ADGRL2: variants seen among roughly 807,000 people sequenced by gnomAD.
The protein encoded by ADGRL2 is adhesion G protein-coupled receptor L2.
In ADGRL2, 44 loss-of-function variants were observed where a neutral mutation model predicts 157.4. The observed-to-expected ratio is 0.28, with a 90% CI of 0.22 to 0.36. The LOEUF is 0.36. Among genes scored for constraint, ADGRL2 ranks in the 10% least tolerant of loss-of-function variants. The pLI is 1.00. For missense variants in ADGRL2, 1,510 were observed against 1,768.9 expected, an observed-to-expected ratio of 0.85 and a Z score of 2.63; for synonymous variants, 585 against 624.7, an observed-to-expected ratio of 0.94 and a Z score of 0.95.
chr1:81,397,803 G>A (rs2076683556), intron 1 of ADGRL2, among the ~76,000 whole-genome samples: 1 of 152,148 alleles, frequency 6.6e-6, no homozygotes, highest in South Asian at 2.1e-4. Context: ...TGGATAAAAA[G>A]TTCTGTAAAT....
At chr1:81,844,767 G>A (rs905336604) in intron 2 of ADGRL2, among the ~76,000 whole-genome samples, 1 of 152,130 alleles carries the variant, frequency 6.6e-6, no homozygotes, top group African/African-American at 2.4e-5. Context: ...AAAATGTAAA[G>A]CTGAGAAGGG....
In ADGRL2 at chr1:81,804,930, C is replaced by T. The variant is rs546963554; in HGVS notation, c.-101+3862C>T. ...GCTAAATAAATAGGGAAAAAGTCAG[C>T]GGAGGATGCTGAAAATTAAAACCTC... On this transcript the variant is annotated intron_variant, in intron 1 of 23. Coordinates refer to ENST00000686636, the MANE Select transcript of ADGRL2 (RefSeq NM_001366006.2). 7.9e-5 allele frequency among the ~76,000 whole-genome samples: 12 copies of T among 152,130 alleles called. No individual in the cohort carries two copies. The South Asian group carries it at 2.3e-3, about 29-fold the overall frequency.
intron 1 of ADGRL2, among the ~76,000 whole-genome samples, chr1:81,380,661 A>C (rs2076328811): frequency 1.3e-5 from 2 of 152,188 alleles, no homozygotes; most frequent in Admixed American, 1.3e-4. Context: ...TGACTTTAAC[A>C]TACATGGAAT....
At chr1:81,753,260 T>A (rs1298652337) in intron 1 of ADGRL2, among the ~76,000 whole-genome samples, 1 of 152,208 alleles carries the variant, frequency 6.6e-6, no homozygotes, top group Non-Finnish European at 1.5e-5. Flanking sequence ...AAGGAGCAAG[T>A]CACATCTTAA....
chr1:81,472,202 A>T (rs2078185272), intron 2 of ADGRL2, among the ~76,000 whole-genome samples: 1 of 152,362 alleles, frequency 6.6e-6, no homozygotes, highest in South Asian at 2.1e-4. Context: ...ATGTTACTTT[A>T]CTAGATGATT....
At chr1:81,705,676 G>T (rs2149051113) in intron 1 of ADGRL2, among the ~76,000 whole-genome samples, 1 of 152,122 alleles carries the variant, frequency 6.6e-6, no homozygotes, top group Non-Finnish European at 1.5e-5. Flanking sequence ...CAGCACTTTG[G>T]GAGGCTGCAA....
chr1:81,485,880 A>G (rs1036786135), intron 2 of ADGRL2, among the ~76,000 whole-genome samples: 3 of 152,236 alleles, frequency 2.0e-5, no homozygotes, highest in Admixed American at 6.5e-5. Context: ...CCATCAGCAC[A>G]GAAAACTAAA....
At chr1:81,603,828 T>G (rs1436063608) in intron 3 of ADGRL2, among the ~76,000 whole-genome samples, 1 of 152,250 alleles carries the variant, frequency 6.6e-6, no homozygotes, top group Non-Finnish European at 1.5e-5. Flanking sequence ...ATTGTATGGC[T>G]TATTTATTAG....
chr1:81,682,770 C>T (rs191976556), intron 3 of ADGRL2, among the ~76,000 whole-genome samples: 49 of 152,302 alleles, frequency 3.2e-4, no homozygotes, highest in Admixed American at 2.3e-3. Flanking sequence ...AAGGGCTTTG[C>T]CTTTATGGAA....
intron 1 of ADGRL2, among the ~76,000 whole-genome samples, chr1:81,389,882 A>G (rs2076502663): frequency 6.6e-6 from 1 of 152,180 alleles, no homozygotes; most frequent in Non-Finnish European, 1.5e-5. Context: ...AAACAAAAAA[A>G]GAAAGAGAGA....
chr1:81,887,389 A>T (rs2094150267), intron 2 of ADGRL2, among the ~76,000 whole-genome samples: 1 of 152,204 alleles, frequency 6.6e-6, no homozygotes, highest in Non-Finnish European at 1.5e-5. Flanking sequence ...GTGATTTCCA[A>T]CCCATTATCA....
intron 17 of ADGRL2, 70 bp downstream of exon 17, chr1:81,971,988 TTG>T: frequency 1.7e-5 from 8 of 482,774 alleles, no homozygotes; most frequent in Middle Eastern, 3.4e-4. Context: ...CAAGGATAAT[TTG>T]TTTTATTGTT....
upstream of ADGRL2, among the ~76,000 whole-genome samples, chr1:81,800,933 C>G (rs901311131): frequency 4.7e-5 from 7 of 148,976 alleles, no homozygotes; most frequent in Admixed American, 4.7e-4. Flanking sequence ...GCGCGTTCCA[C>G]GGCCGTGCGC....
chr1:81,676,697 A>AT (rs1239878282), intron 3 of ADGRL2, among the ~76,000 whole-genome samples: 4 of 150,976 alleles, frequency 2.6e-5, no homozygotes, highest in South Asian at 2.1e-4. Flanking sequence ...ATTTTATTTT[A>AT]TTTTTTTTGA....
intron 2 of ADGRL2, among the ~76,000 whole-genome samples, chr1:81,524,924 A>C (rs2148195907): frequency 6.6e-6 from 1 of 152,212 alleles, no homozygotes; most frequent in Admixed American, 6.5e-5. Flanking sequence ...TAAAAATAGG[A>C]TGGAATATAT....
At chr1:81,344,074 A>T (rs1030318152) in intron 1 of ADGRL2, among the ~76,000 whole-genome samples, 4 of 151,986 alleles carry the variant, frequency 2.6e-5, no homozygotes, top group Admixed American at 2.0e-4. Context: ...AAAGAAAAAA[A>T]AATTTTTCTT....
At chr1:81,553,818 G>C (rs1434882326) in intron 2 of ADGRL2, among the ~76,000 whole-genome samples, 2 of 152,152 alleles carry the variant, frequency 1.3e-5, no homozygotes, top group African/African-American at 4.8e-5. Flanking sequence ...ATGGAGAAAC[G>C]CTTTTAAAGC....
chr1:81,909,604 T>G (rs1031549464), intron 3 of ADGRL2, among the ~76,000 whole-genome samples: 2 of 152,198 alleles, frequency 1.3e-5, no homozygotes, highest in East Asian at 1.9e-4. Context: ...TAAGCCAAGA[T>G]GCAAAGTATG....
chr1:81,824,073 C>T (rs2091246754), intron 1 of ADGRL2, among the ~76,000 whole-genome samples: 1 of 152,072 alleles, frequency 6.6e-6, no homozygotes, highest in Admixed American at 6.5e-5. Context: ...GGAGCACTTA[C>T]TCTCTTAATT....
Sources: allele counts gnomAD v4.1 joint callset (sites outside exome capture counted in the v4.1 genomes callset), GRCh38; gene constraint gnomAD v4.1.1; transcripts MANE v1.5; gene names NCBI Gene and HGNC (gene_info 2026-07-23, HGNC 2026-07-21).